GLS: variants seen among roughly 807,000 people sequenced by gnomAD.
GLS encodes the protein glutaminase kidney isoform, mitochondrial.
GLS carries 36 observed loss-of-function variants against 86.7 expected under a neutral mutation model. The ratio of observed to expected loss-of-function variants is 0.42; its 90% CI spans 0.32 to 0.55. GLS has a LOEUF of 0.55. Among genes scored for constraint, GLS ranks in the 20% least tolerant of loss-of-function variants. GLS has a pLI of 0.17. For synonymous variants in GLS, 317 were observed against 305.9 expected (o/e 1.04, Z -0.38); for missense variants, 528 against 833.4 (o/e 0.63, Z 4.51).
Position 190,947,881 on chromosome 2 carries a change from G to A in GLS, c.1651-5684G>A, listed in dbSNP as rs1244979550. ...TGCTATGATAGGCATTCCAGAGGGT[G>A]TGTCAGCTTAGTTGGAAATACTCGT... On this transcript the variant is annotated intron_variant, in intron 14 of 17. Coordinates refer to ENST00000320717, the MANE Select transcript of GLS (RefSeq NM_014905.5). This position sits in a 1 kb window ranked among gnomAD's most constrained non-coding sequence, Gnocchi z 5.0. Among the ~76,000 whole-genome samples, 1 of 152,178 alleles carries A rather than the reference G, an allele frequency of 6.6e-6. No individual in the cohort carries two copies. Among genetic ancestry groups the A allele is most frequent in the African/African-American group, 2.4e-5 (1 of 41,444 alleles).
intron 12 of GLS, among the ~76,000 whole-genome samples, chr2:190,928,578 A>G (rs1320421137): frequency 6.6e-6 from 1 of 151,368 alleles, no homozygotes; most frequent in Admixed American, 6.6e-5. Flanking sequence ...CAAATAATGC[A>G]CCTGCCTCAG....
At chr2:190,884,781 T>C (rs1430720107) in intron 1 of GLS, among the ~76,000 whole-genome samples, 1 of 152,194 alleles carries the variant, frequency 6.6e-6, no homozygotes, top group Non-Finnish European at 1.5e-5. Context: ...CAGGATGCAA[T>C]ATTGAAAGTA....
chr2:190,887,580 G>A (rs1688428999), intron 1 of GLS, among the ~76,000 whole-genome samples: 1 of 152,014 alleles, frequency 6.6e-6, no homozygotes, highest in Non-Finnish European at 1.5e-5. Context: ...TCTTGATGAG[G>A]ATATTTTGAG....
intron 1 of GLS, among the ~76,000 whole-genome samples, chr2:190,894,696 C>G (rs751077163): frequency 2.0e-5 from 3 of 152,186 alleles, no homozygotes; most frequent in Non-Finnish European, 2.9e-5. Flanking sequence ...TAGTTAATTG[C>G]TATCTCTCCC....
In GLS at chr2:190,888,778, G is replaced by T. The variant is rs533706490; in HGVS notation, c.387-6374G>T. Among the ~76,000 whole-genome samples the T allele has an allele frequency of 2.0e-5, 3 of 152,218 alleles. No individual in the cohort carries two copies. The South Asian group carries it at 6.2e-4, about 32-fold the overall frequency. ...CTCTTAAGGGTGGGTTTGTTCTTTT[G>T]TGGATTTTTGTATCTTGTATCAGTT... On this transcript the variant is annotated intron_variant, in intron 1 of 17. Transcript: ENST00000320717.
intron 1 of GLS, among the ~76,000 whole-genome samples, chr2:190,883,532 T>G (rs1688277316): frequency 6.6e-6 from 1 of 152,240 alleles, no homozygotes; most frequent in Non-Finnish European, 1.5e-5. Flanking sequence ...TAGAACAATA[T>G]TTGGCGTGTG....
rs990896580 is a variant in GLS, at chr2:190,914,450, A to G, written c.1038+4129A>G. ...GCTTTAGTTTTTTTTTTTTAATGAA[A>G]GGTAGAGCATTTATTGTCAACTGAA... On this transcript the variant is annotated intron_variant, in intron 7 of 17. Transcript: ENST00000320717. The surrounding 1 kb of genome is among the most constrained non-coding windows in gnomAD (Gnocchi z 4.4). Among the ~76,000 whole-genome samples the G allele has an allele frequency of 6.6e-6, 1 of 151,610 alleles. No individual in the cohort carries two copies. The highest frequency in any genetic ancestry group is 2.4e-5 in the African/African-American group (1 of 41,292).
At chr2:190,911,468 G>A (rs1689357895) in intron 7 of GLS, among the ~76,000 whole-genome samples, 1 of 152,088 alleles carries the variant, frequency 6.6e-6, no homozygotes, top group South Asian at 2.1e-4. Context: ...TTATAGCCAA[G>A]TGTTTTTAAA....
intron 11 of GLS, among the ~76,000 whole-genome samples, chr2:190,925,513 A>G (rs1314654598): frequency 6.6e-6 from 1 of 152,204 alleles, no homozygotes; most frequent in Non-Finnish European, 1.5e-5. Context: ...TTTCAGCTCA[A>G]TTTATTCTTA....
chr2:190,893,246 T>C (rs975912669), intron 1 of GLS, among the ~76,000 whole-genome samples: 1 of 152,214 alleles, frequency 6.6e-6, no homozygotes, highest in Non-Finnish European at 1.5e-5. Context: ...ATAAAAGTAA[T>C]AACAAGCTAG....
intron 1 of GLS, among the ~76,000 whole-genome samples, chr2:190,893,568 T>C (rs1384242980): frequency 6.6e-6 from 1 of 152,150 alleles, no homozygotes; most frequent in Admixed American, 6.5e-5. Flanking sequence ...ATATTGTAGT[T>C]ATTATTACTA....
At position 190,943,001 on chromosome 2, in the gene GLS, T is replaced by G. The variant is rs982676205; in HGVS notation, c.1651-10564T>G. Among the ~76,000 whole-genome samples, 2 of 152,128 alleles carry G rather than the reference T, an allele frequency of 1.3e-5. No individual in the cohort carries two copies. The highest frequency in any genetic ancestry group is 6.6e-5 in the Admixed American group (1 of 15,260). ...GTGGGAGAAAAAGAAAAGAGTGATATCTAAATCTAAAGAAAGAAGCTTTAC... is the reference window on the plus strand; with the variant it reads ...GTGGGAGAAAAAGAAAAGAGTGATAGCTAAATCTAAAGAAAGAAGCTTTAC... On this transcript the variant is annotated intron_variant, in intron 14 of 17. Transcript: ENST00000320717. This position sits in a 1 kb window ranked among gnomAD's most constrained non-coding sequence, Gnocchi z 4.5.
chr2:190,888,622 A>T (rs1688465852), intron 1 of GLS, among the ~76,000 whole-genome samples: 1 of 152,170 alleles, frequency 6.6e-6, no homozygotes, highest in African/African-American at 2.4e-5. Flanking sequence ...AGGTAAATAG[A>T]TGTGGCAGTC....
Position 190,964,751 on chromosome 2 carries a change from T to G in GLS, c.*1765T>G, listed in dbSNP as rs1691085014. 1 of 152,146 alleles carries G rather than the reference T, an allele frequency of 6.6e-6. No individual in the cohort carries two copies. The highest frequency in any genetic ancestry group is 1.9e-4 in the East Asian group (1 of 5,192). 9.4% of individuals were successfully genotyped at this position (152,146 alleles called of 1,614,324 possible). ...AAGATGCTGCACAGGAGCAGCATTATCCCCAAAGATATTACAGGGTAGACA... is the reference window on the plus strand; with the variant it reads ...AAGATGCTGCACAGGAGCAGCATTAGCCCCAAAGATATTACAGGGTAGACA... On this transcript the variant is annotated 3_prime_UTR_variant, in exon 18 of 18. Transcript: ENST00000320717. The surrounding 1 kb of genome is among the most constrained non-coding windows in gnomAD (Gnocchi z 5.2).
Position 190,905,771 on chromosome 2 carries a change from T to G in GLS, c.979+604T>G, listed in dbSNP as rs1390671136. ...AGTTTGATCTGATAGAGATTTTAAG[T>G]CTAAACATCATTTAGCTGAGTGCAA... On this transcript the variant is annotated intron_variant, in intron 6 of 17. Coordinates refer to ENST00000320717, the MANE Select transcript of GLS (RefSeq NM_014905.5). This position sits in a 1 kb window ranked among gnomAD's most constrained non-coding sequence, Gnocchi z 4.6. Among the ~76,000 whole-genome samples, 1 of 152,124 alleles carries G rather than the reference T, an allele frequency of 6.6e-6. No homozygotes were observed.
rs1398959386 is a variant in GLS, at chr2:190,953,207, A to C, written c.1651-358A>C. 6.6e-6 allele frequency among the ~76,000 whole-genome samples: 1 copy of C among 152,272 alleles called. No homozygotes were observed. Among genetic ancestry groups the C allele is most frequent in the Non-Finnish European group, 1.5e-5 (1 of 68,046 alleles). ...TTTTAATAATGTGAATTTTATCAGC[A>C]TACAGACTTCCTCACAATATTGAGA... On this transcript the variant is annotated intron_variant, in intron 14 of 17. Coordinates refer to ENST00000320717, the MANE Select transcript of GLS (RefSeq NM_014905.5). This position sits in a 1 kb window ranked among gnomAD's most constrained non-coding sequence, Gnocchi z 4.0.
chr2:190,918,610 C>T (rs542898804), intron 7 of GLS, among the ~76,000 whole-genome samples: 44 of 152,178 alleles, frequency 2.9e-4, no homozygotes, highest in Admixed American at 1.0e-3. Context: ...TAATTTCCTT[C>T]AAGAACTTCA....
At chr2:190,883,713 T>C (rs560332207) in intron 1 of GLS, among the ~76,000 whole-genome samples, 1 of 152,346 alleles carries the variant, frequency 6.6e-6, no homozygotes, top group South Asian at 2.1e-4. Flanking sequence ...ACATCTGTCT[T>C]ATATGAAACT....
rs1690863126 is a variant in GLS at position 190,956,461 on chromosome 2, G to A, written c.1853+1643G>A. Among the ~76,000 whole-genome samples the A allele has an allele frequency of 6.6e-6, 1 of 152,130 alleles. No homozygotes were observed. ...CCTCAGTTCTTTTCCATTGCTCTGT[G>A]TATCTATTTTGGTATCAGTACCATA... is the stretch of plus-strand genomic sequence containing the variant. On this transcript the variant is annotated intron_variant, in intron 17 of 17. Coordinates refer to ENST00000320717, the MANE Select transcript of GLS (RefSeq NM_014905.5). This position sits in a 1 kb window ranked among gnomAD's most constrained non-coding sequence, Gnocchi z 4.2.
Sources: allele counts gnomAD v4.1 joint callset (sites outside exome capture counted in the v4.1 genomes callset), GRCh38; gene constraint gnomAD v4.1.1; non-coding constraint Gnocchi (gnomAD v3.1); transcripts MANE v1.5; gene names NCBI Gene and HGNC (gene_info 2026-07-23, HGNC 2026-07-21).